The following IL1RAPL2 variants were observed in gnomAD, a reference collection of about 807,000 sequenced individuals.
IL1RAPL2 encodes the protein X-linked interleukin-1 receptor accessory protein-like 2.
IL1RAPL2 carries 3 observed loss-of-function variants against 44.1 expected under a neutral mutation model. The observed-to-expected ratio is 0.07, with a 90% CI of 0.03 to 0.18. The LOEUF is 0.18. Ranked by LOEUF, IL1RAPL2 falls within the 10% of genes least tolerant of loss-of-function variation. The probability of loss-of-function intolerance (pLI) is 1.00; values close to 1 mark genes in which losing one functional copy is unlikely to be tolerated. For missense variants in IL1RAPL2, 391 were observed against 496.4 expected (o/e 0.79, Z 2.02); for synonymous variants, 181 against 178.8 (o/e 1.01, Z -0.10).
At chrX:104,897,858 A>G (rs1029471965) in intron 2 of IL1RAPL2, among the ~76,000 whole-genome samples, 12 of 111,958 alleles carry the variant, frequency 1.1e-4, no homozygotes, top group Non-Finnish European at 1.5e-4. Context: ...GTTGCTGGCT[A>G]CTTAAAGGAG....
intron 2 of IL1RAPL2, among the ~76,000 whole-genome samples, chrX:105,080,847 G>A (rs1240959636): frequency 1.8e-5 from 2 of 111,878 alleles, no homozygotes; most frequent in Non-Finnish European, 3.8e-5. Context: ...TCCTATCCAT[G>A]AGCATAGAAT....
intron 2 of IL1RAPL2, among the ~76,000 whole-genome samples, chrX:105,019,054 A>G (rs886711660): frequency 9.0e-6 from 1 of 111,620 alleles, no homozygotes; most frequent in Non-Finnish European, 1.9e-5. Context: ...TTGAGGGCTT[A>G]CTTATAATGT....
chrX:104,715,732 G>A (rs181448060), intron 2 of IL1RAPL2, among the ~76,000 whole-genome samples: 83 of 109,062 alleles, frequency 7.6e-4, no homozygotes, highest in African/African-American at 2.6e-3. Context: ...TAACTAGGGA[G>A]GTGAAAGAGC....
At chrX:105,671,552 A>G (rs1372592365) in intron 6 of IL1RAPL2, among the ~76,000 whole-genome samples, 4 of 111,615 alleles carry the variant, frequency 3.6e-5, no homozygotes, top group Admixed American at 9.5e-5. Context: ...TCAGCTGTTG[A>G]TAAGGGGTCA....
intron 5 of IL1RAPL2, among the ~76,000 whole-genome samples, chrX:105,431,688 A>C (rs1324693794): frequency 4.5e-5 from 5 of 111,652 alleles, no homozygotes; most frequent in Non-Finnish European, 1.9e-5. Flanking sequence ...TCCAGAAATA[A>C]TATGTTCCCC....
At chrX:104,622,646 T>G (rs1929421883) in intron 1 of IL1RAPL2, among the ~76,000 whole-genome samples, 1 of 110,960 alleles carries the variant, frequency 9.0e-6, no homozygotes, top group African/African-American at 3.3e-5. Flanking sequence ...TGGGGGACAA[T>G]GGTCAAGGTG....
intron 6 of IL1RAPL2, among the ~76,000 whole-genome samples, chrX:105,555,640 T>C (rs2147804772): frequency 8.9e-6 from 1 of 112,326 alleles, no homozygotes; most frequent in East Asian, 2.8e-4. Flanking sequence ...ACAATAATTG[T>C]TCCTTGTTAG....
At chrX:105,622,065 A>T (rs1028574222) in intron 6 of IL1RAPL2, among the ~76,000 whole-genome samples, 1 of 110,260 alleles carries the variant, frequency 9.1e-6, no homozygotes, top group Non-Finnish European at 1.9e-5. Context: ...CCTAGTATGT[A>T]TACTTTGAGA....
intron 1 of IL1RAPL2, among the ~76,000 whole-genome samples, chrX:104,603,312 A>G (rs1209075711): frequency 8.9e-6 from 1 of 111,782 alleles, no homozygotes; most frequent in Non-Finnish European, 1.9e-5. Context: ...CCAACATCAA[A>G]GACCAAAGGT....
At chrX:105,722,371 T>G (rs1406371620) in intron 7 of IL1RAPL2, among the ~76,000 whole-genome samples, 1 of 111,870 alleles carries the variant, frequency 8.9e-6, no homozygotes, top group African/African-American at 3.3e-5. Context: ...GTGGTTTCTA[T>G]AATTCTTTCA....
At chrX:105,331,122 A>G (rs2034982759) in intron 5 of IL1RAPL2, among the ~76,000 whole-genome samples, 1 of 111,927 alleles carries the variant, frequency 8.9e-6, no homozygotes, top group Admixed American at 9.6e-5. Context: ...GGCTCTTTAC[A>G]GCATGTGACC....
chrX:105,605,170 C>A (rs926048858), intron 6 of IL1RAPL2, among the ~76,000 whole-genome samples: 3 of 111,053 alleles, frequency 2.7e-5, no homozygotes, highest in African/African-American at 9.8e-5. Context: ...TACCAGTTTG[C>A]AGTTGACATG....
chrX:105,034,140 A>T (rs1226624068), intron 2 of IL1RAPL2, among the ~76,000 whole-genome samples: 1 of 110,984 alleles, frequency 9.0e-6, no homozygotes, highest in South Asian at 3.8e-4. Flanking sequence ...TTTTTTTCAA[A>T]GTTTTTAACT....
chrX:105,129,323 A>G (rs1398964544), intron 2 of IL1RAPL2, among the ~76,000 whole-genome samples: 1 of 110,607 alleles, frequency 9.0e-6, no homozygotes, highest in African/African-American at 3.3e-5. Context: ...TTGCTACCTC[A>G]AATACTTTTA....
At chrX:104,843,028 C>T (rs1039886938) in intron 2 of IL1RAPL2, among the ~76,000 whole-genome samples, 1 of 112,304 alleles carries the variant, frequency 8.9e-6, no homozygotes, top group African/African-American at 3.2e-5. Context: ...CCCCTAGGTG[C>T]TCTGTCCCAG....
intron 6 of IL1RAPL2, among the ~76,000 whole-genome samples, chrX:105,590,838 TG>T (rs1569456756): frequency 3.9e-5 from 4 of 103,240 alleles, no homozygotes; most frequent in African/African-American, 1.6e-4. Context: ...TGTGTGTGTG[TG>T]TGTGTGTGTT....
intron 2 of IL1RAPL2, among the ~76,000 whole-genome samples, chrX:104,898,703 T>C (rs1457577351): frequency 2.7e-5 from 3 of 112,393 alleles, no homozygotes; most frequent in Non-Finnish European, 5.6e-5. Flanking sequence ...AAGCTTTTAA[T>C]AGCCATCCAC....
chrX:105,543,011 A>G (rs1436766742), intron 6 of IL1RAPL2, among the ~76,000 whole-genome samples: 5 of 111,272 alleles, frequency 4.5e-5, no homozygotes, highest in Non-Finnish European at 9.4e-5. Context: ...CTACATAACT[A>G]CCACTGTTTA....
chrX:105,058,848 A>T (rs1239280056), intron 2 of IL1RAPL2, among the ~76,000 whole-genome samples: 2 of 111,975 alleles, frequency 1.8e-5, no homozygotes, highest in Non-Finnish European at 3.8e-5. Flanking sequence ...GTCAGTTTCC[A>T]TGATGGAAGC....
Sources: gnomAD v4.1 joint callset for allele counts (sites outside exome capture counted in the v4.1 genomes callset) on GRCh38, gnomAD v4.1.1 for gene constraint, MANE v1.5 for transcripts, NCBI Gene and HGNC (gene_info 2026-07-23, HGNC 2026-07-21) for gene names.